Variants in CNTNAP2 observed in about 807,000 individuals in gnomAD.
CNTNAP2 encodes contactin-associated protein-like 2.
CNTNAP2 carries 98 observed loss-of-function variants against 155.2 expected under a neutral mutation model. The observed-to-expected ratio is 0.63, with a 90% CI of 0.54 to 0.75. The LOEUF is 0.75. Ranked by LOEUF, CNTNAP2 falls within the 30% of genes least tolerant of loss-of-function variation. The pLI is 0.00. For synonymous variants in CNTNAP2, 651 were observed against 631.2 expected (o/e 1.03, Z -0.47); for missense variants, 1,727 against 1,688.1 (o/e 1.02, Z -0.40).
chr7:146,164,602 A>G (rs184771782), intron 1 of CNTNAP2, among the ~76,000 whole-genome samples: 3 of 152,318 alleles, frequency 2.0e-5, no homozygotes, highest in Non-Finnish European at 4.4e-5. Context: ...CAGTAGGTCT[A>G]TTCTCAGTTT....
intron 1 of CNTNAP2, among the ~76,000 whole-genome samples, chr7:146,744,457 G>A (rs563911468): frequency 6.6e-6 from 1 of 152,064 alleles, no homozygotes; most frequent in Non-Finnish European, 1.5e-5. Context: ...ACTCACTTCT[G>A]CTTCTTCCAT....
At position 146,208,907 on chromosome 7, in the gene CNTNAP2, G is replaced by A. The variant is rs530047182; in HGVS notation, c.97+91934G>A. 9 of 152,034 alleles carry A rather than the reference G, an allele frequency of 5.9e-5. No individual in the cohort carries two copies. In the South Asian group the frequency reaches 1.9e-3, roughly 32 times the overall value. 9.4% of individuals were successfully genotyped at this position (152,034 alleles called of 1,614,324 possible). A position where few individuals can be genotyped will look rare whatever the true frequency, so the allele number is the denominator to read the frequency against. On this transcript the variant is annotated intron_variant, in intron 1 of 23. Transcript: ENST00000361727. ...TGACACATCCAAGATAAAAATAACT[G>A]CTAAGATTTTTGGTGTTTCCCAGTC...
At chr7:147,549,781 T>A (rs745362573) in intron 11 of CNTNAP2, among the ~76,000 whole-genome samples, 15 of 152,320 alleles carry the variant, frequency 9.8e-5, no homozygotes, top group Non-Finnish European at 1.6e-4. Flanking sequence ...GTAATCTACA[T>A]AGAGGAGTTA....
At chr7:148,073,036 T>G (rs1803410621) in intron 15 of CNTNAP2, among the ~76,000 whole-genome samples, 1 of 152,116 alleles carries the variant, frequency 6.6e-6, no homozygotes, top group Admixed American at 6.6e-5. Context: ...ATGTGTCATA[T>G]CATCTCTGGC....
intron 13 of CNTNAP2, among the ~76,000 whole-genome samples, chr7:147,685,183 T>G (rs2116984495): frequency 6.6e-6 from 1 of 152,152 alleles, no homozygotes; most frequent in South Asian, 2.1e-4. Flanking sequence ...AACAGAACTA[T>G]TTGAACACCA....
chr7:146,788,215 G>A (rs1322831649), intron 2 of CNTNAP2, among the ~76,000 whole-genome samples: 1 of 152,236 alleles, frequency 6.6e-6, no homozygotes, highest in Non-Finnish European at 1.5e-5. Context: ...AGAGCAGAGG[G>A]AGCGGACTCT....
intron 15 of CNTNAP2, among the ~76,000 whole-genome samples, chr7:148,027,773 A>G (rs1193865602): frequency 6.6e-6 from 1 of 152,226 alleles, no homozygotes; most frequent in Non-Finnish European, 1.5e-5. Flanking sequence ...AAAGGATTTC[A>G]TAGCCTTTCG....
intron 1 of CNTNAP2, among the ~76,000 whole-genome samples, chr7:146,507,152 T>A (rs1474935324): frequency 6.6e-6 from 1 of 152,168 alleles, no homozygotes; most frequent in Non-Finnish European, 1.5e-5. Context: ...TTGGGTAAGT[T>A]GTCCACACAA....
chr7:148,221,136 C>T (rs1014504711), intron 19 of CNTNAP2, among the ~76,000 whole-genome samples: 18 of 152,156 alleles, frequency 1.2e-4, no homozygotes, highest in African/African-American at 3.9e-4. Context: ...GCCCTCATGC[C>T]TGTGTGAGGA....
At chr7:147,632,071 C>T (rs1021691675) in intron 12 of CNTNAP2, among the ~76,000 whole-genome samples, 12 of 152,086 alleles carry the variant, frequency 7.9e-5, no homozygotes, top group African/African-American at 2.9e-4. Context: ...AATCTTTGCA[C>T]ACTATGTAGG....
chr7:146,856,408 C>T (rs147286043), intron 3 of CNTNAP2, among the ~76,000 whole-genome samples: 206 of 152,120 alleles, frequency 1.4e-3, no homozygotes, highest in African/African-American at 4.5e-3. Context: ...AGAATACGAA[C>T]TTCTGACTAG....
intron 13 of CNTNAP2, among the ~76,000 whole-genome samples, chr7:147,837,041 T>C (rs1463315384): frequency 1.3e-5 from 2 of 152,222 alleles, no homozygotes; most frequent in African/African-American, 4.8e-5. Flanking sequence ...TCCGAGTTCA[T>C]GGATAGGTGA....
At chr7:146,230,642 C>T (rs1316321322) in intron 1 of CNTNAP2, among the ~76,000 whole-genome samples, 1 of 152,136 alleles carries the variant, frequency 6.6e-6, no homozygotes, top group East Asian at 1.9e-4. Context: ...ATGCTGGCTC[C>T]ACTATTTGTT....
At chr7:146,265,457 C>CTT (rs796634792) in intron 1 of CNTNAP2, among the ~76,000 whole-genome samples, 15,871 of 135,518 alleles carry the variant, frequency 0.12, 2,900 homozygotes, top group African/African-American at 0.39. Context: ...TTCTTTCTTT[C>CTT]TTTTTTTTTT....
chr7:148,383,476 T>TCAAGTATG (rs1346733313), intron 21 of CNTNAP2, among the ~76,000 whole-genome samples, 173 bp from the exon 22 acceptor site: 2 of 152,174 alleles, frequency 1.3e-5, no homozygotes, highest in African/African-American at 4.8e-5. Context: ...TCCTTTAAAG[T>TCAAGTATG]CAAGTATGCA....
At chr7:147,619,631 T>C (rs1417691016) in intron 12 of CNTNAP2, among the ~76,000 whole-genome samples, 1 of 152,238 alleles carries the variant, frequency 6.6e-6, no homozygotes, top group Admixed American at 6.5e-5. Context: ...GTGCTGCATC[T>C]TGTGGCTTGA....
intron 9 of CNTNAP2, among the ~76,000 whole-genome samples, chr7:147,373,319 T>C (rs1315917274): frequency 6.6e-6 from 1 of 152,208 alleles, no homozygotes; most frequent in East Asian, 1.9e-4. Flanking sequence ...CGGTGATTCA[T>C]ATTATCAAAA....
At chr7:146,961,492 A>G (rs919177623) in intron 3 of CNTNAP2, among the ~76,000 whole-genome samples, 8 of 152,074 alleles carry the variant, frequency 5.3e-5, no homozygotes, top group Admixed American at 1.3e-4. Context: ...GAACTTTTCC[A>G]TTTTCTCTCT....
At chr7:147,418,028 C>G (rs1433253583) in intron 10 of CNTNAP2, among the ~76,000 whole-genome samples, 1 of 152,150 alleles carries the variant, frequency 6.6e-6, no homozygotes, top group East Asian at 1.9e-4. Flanking sequence ...TTCCTTTGTT[C>G]TGTAAAAGTC....
Sources: gnomAD v4.1 joint callset for allele counts (sites outside exome capture counted in the v4.1 genomes callset) on GRCh38, gnomAD v4.1.1 for gene constraint, MANE v1.5 for transcripts, NCBI Gene and HGNC (gene_info 2026-07-23, HGNC 2026-07-21) for gene names.